Variants in MYO5A observed in about 807,000 individuals in gnomAD.
MYO5A encodes the protein unconventional myosin-Va.
MYO5A carries 98 observed loss-of-function variants against 249.7 expected under a neutral mutation model. The ratio of observed to expected loss-of-function variants is 0.39; its 90% CI spans 0.33 to 0.46. MYO5A has a LOEUF of 0.46. MYO5A is among the 20% of genes least tolerant of loss of function. The probability of loss-of-function intolerance (pLI) is 0.98; values close to 1 mark genes in which losing one functional copy is unlikely to be tolerated. For synonymous variants in MYO5A, 778 were observed against 810.6 expected, an observed-to-expected ratio of 0.96 and a Z score of 0.68; for missense variants, 1,696 against 2,308.8, an observed-to-expected ratio of 0.73 and a Z score of 5.44.
At chr15:52,414,508 A>G (rs942775394) in intron 5 of MYO5A, among the ~76,000 whole-genome samples, 5 of 152,158 alleles carry the variant, frequency 3.3e-5, no homozygotes, top group African/African-American at 1.2e-4. Context: ...TAGTACACTC[A>G]ACTCATGAAA....
intron 25 of MYO5A, among the ~76,000 whole-genome samples, chr15:52,355,722 T>C (rs555218620): frequency 6.6e-6 from 1 of 152,322 alleles, no homozygotes; most frequent in Admixed American, 6.5e-5. Context: ...TTATAAGTAA[T>C]GTAGAGATGA....
intron 13 of MYO5A, 62 bp downstream of exon 13, chr15:52,389,172 CCTGA>C (rs2042101465): frequency 6.5e-7 from 1 of 1,526,894 alleles, no homozygotes; most frequent in Non-Finnish European, 9.0e-7. Context: ...AAAGATACCT[CCTGA>C]CTATTGGGTT....
At chr15:52,521,098 C>T (rs376570179) in intron 1 of MYO5A, among the ~76,000 whole-genome samples, 1 of 151,934 alleles carries the variant, frequency 6.6e-6, no homozygotes, top group Non-Finnish European at 1.5e-5. Flanking sequence ...GGTGGTGGCA[C>T]ATGCCTGTAG....
chr15:52,471,173 C>CT (rs761206668), intron 1 of MYO5A, among the ~76,000 whole-genome samples: 7 of 152,172 alleles, frequency 4.6e-5, no homozygotes, highest in Non-Finnish European at 8.8e-5. Context: ...TGATTATAAA[C>CT]TTGACTGCAT....
rs540777690 is a variant in MYO5A, at chr15:52,437,718, C to T, written c.28-4433G>A. The stretch of plus-strand genomic sequence containing the variant: ...AGTGAGTTTGTAGAAGCATGACTGA[C>T]CAGTGCCTAAACATGAGGAGACTTT... On this transcript the variant is annotated intron_variant, in intron 1 of 41. Coordinates refer to ENST00000399233, the MANE Select transcript of MYO5A (RefSeq NM_001382347.1). Among the ~76,000 whole-genome samples the T allele has an allele frequency of 2.4e-4, 37 of 152,004 alleles. No individual in the cohort carries two copies. In the South Asian group the frequency reaches 4.2e-3, roughly 17 times the overall value.
intron 1 of MYO5A, among the ~76,000 whole-genome samples, chr15:52,494,389 A>G (rs994915600): frequency 6.6e-6 from 1 of 152,202 alleles, no homozygotes; most frequent in Non-Finnish European, 1.5e-5. Context: ...TTTCTTGCCA[A>G]TGGAAATCAT....
intron 4 of MYO5A, among the ~76,000 whole-genome samples, chr15:52,424,579 T>A (rs933354386): frequency 6.6e-6 from 1 of 152,132 alleles, no homozygotes; most frequent in African/African-American, 2.4e-5. Flanking sequence ...ATTTCTAGGG[T>A]TTTGTCCCTG....
Position 52,311,171 on chromosome 15 carries a change from A to G in MYO5A, c.*2525T>C, listed in dbSNP as rs1301934506. 4 of 152,086 alleles carry G rather than the reference A, an allele frequency of 2.6e-5. No individual in the cohort carries two copies. The highest frequency in any genetic ancestry group is 4.8e-5 in the African/African-American group (2 of 41,370). The allele number at this position is 152,086 out of a possible 1,614,324, so 9.4% of individuals were successfully genotyped here. ...CTTCAGTACATGAGCTGTCCGGAGT[A>G]AAAAAAAGGGCTGCATGGCAGTGAC... is the stretch of plus-strand genomic sequence containing the variant. On this transcript the variant is annotated 3_prime_UTR_variant, in exon 42 of 42. Coordinates refer to ENST00000399233, the MANE Select transcript of MYO5A (RefSeq NM_001382347.1).
intron 1 of MYO5A, among the ~76,000 whole-genome samples, chr15:52,526,357 A>G (rs1429794321): frequency 6.6e-6 from 1 of 151,894 alleles, no homozygotes; most frequent in African/African-American, 2.4e-5. Context: ...TAACTCGCCC[A>G]GCTAATTTTT....
Position 52,323,579 on chromosome 15 carries a change from T to C in MYO5A, c.4711-135A>G, listed in dbSNP as rs139805784. 5.6e-4 allele frequency: 378 copies of C among 680,298 alleles called. No homozygotes were observed. The African/African-American group carries it at 6.3e-3, about 11-fold the overall frequency. 42.1% of individuals were successfully genotyped at this position (680,298 alleles called of 1,614,324 possible). ...ATTATAAAAATAAATCACATTACAGTTGTGAAGTCTTATGTCATTGCTAGC... is the reference window on the plus strand; with the variant it reads ...ATTATAAAAATAAATCACATTACAGCTGTGAAGTCTTATGTCATTGCTAGC... On this transcript the variant is annotated intron_variant, in intron 36 of 41. Coordinates refer to ENST00000399233, the MANE Select transcript of MYO5A (RefSeq NM_001382347.1).
chr15:52,389,798 G>GA (rs906280717), intron 12 of MYO5A, among the ~76,000 whole-genome samples: 2 of 151,914 alleles, frequency 1.3e-5, no homozygotes, highest in African/African-American at 4.8e-5. Context: ...ACTAAAATTA[G>GA]AAAAAATTAG....
intron 1 of MYO5A, among the ~76,000 whole-genome samples, chr15:52,523,227 GC>G (rs2077659462): frequency 6.7e-6 from 1 of 149,416 alleles, no homozygotes. Flanking sequence ...TTCTGCCCCT[GC>G]CTCAGTCCAC....
Position 52,517,943 on chromosome 15 carries a change from C to T in MYO5A, c.27+10837G>A, listed in dbSNP as rs1306308424. 2.0e-5 allele frequency among the ~76,000 whole-genome samples: 3 copies of T among 151,790 alleles called. No homozygotes were observed. The East Asian group carries it at 5.8e-4, about 29-fold the overall frequency. On this transcript the variant is annotated intron_variant, in intron 1 of 41. Coordinates refer to ENST00000399233, the MANE Select transcript of MYO5A (RefSeq NM_001382347.1). ...GTATTATTCAAATAATCCAGATTAG[C>T]TACAAGGCATCACTTCTACAAGCAG...
chr15:52,493,143 C>G (rs924497113), intron 1 of MYO5A, among the ~76,000 whole-genome samples: 1 of 152,088 alleles, frequency 6.6e-6, no homozygotes, highest in African/African-American at 2.4e-5. Flanking sequence ...GAAAAGGTAG[C>G]CTTTTGTCCA....
At chr15:52,340,465 C>T (rs1046821606) in intron 31 of MYO5A, 71 bp from the exon 32 acceptor site, 4 of 1,331,460 alleles carry the variant, frequency 3.0e-6, no homozygotes, top group African/African-American at 2.9e-5. Flanking sequence ...TGTAAGGCAT[C>T]GTGTTCACTT....
chr15:52,354,075 A>G (rs1370972972), intron 25 of MYO5A, 61 bp from the exon 26 acceptor site: 4 of 1,596,458 alleles, frequency 2.5e-6, no homozygotes, highest in Middle Eastern at 1.7e-4. Context: ...AGCCAATGAG[A>G]AAATGACAAA....
At position 52,379,827 on chromosome 15, in the gene MYO5A, G is replaced by A. The variant is rs577716433; in HGVS notation, c.2094C>T (p.Pro698=). The change falls in exon 17 of 42, where the codon CCC becomes CCT. Residue 698 remains proline (P), a synonymous_variant. Transcript: ENST00000399233. ...CTGAAAAATGCCAGGCTCACCGTGAGGGGAAACCGGCCGCACTGATTCGGA... is the reference window on the plus strand; with the variant it reads ...CTGAAAAATGCCAGGCTCACCGTGAAGGGAAACCGGCCGCACTGATTCGGA... ...ETIRISAAGF[P]SRWTYQEFFS... is the part of the protein sequence containing the mutation. 144 of 1,614,130 alleles carry A rather than the reference G, an allele frequency of 8.9e-5. 1 individual carries two copies. The highest frequency in any genetic ancestry group is 1.2e-4 in the Non-Finnish European group (138 of 1,180,006).
At chr15:52,498,987 T>C (rs1156329644) in intron 1 of MYO5A, among the ~76,000 whole-genome samples, 1 of 152,216 alleles carries the variant, frequency 6.6e-6, no homozygotes, top group Non-Finnish European at 1.5e-5. Context: ...AAATGTAAGA[T>C]ATCATTTAAG....
At chr15:52,426,519 A>G (rs150064538) in intron 3 of MYO5A, among the ~76,000 whole-genome samples, 28 of 152,262 alleles carry the variant, frequency 1.8e-4, no homozygotes, top group African/African-American at 6.3e-4. Flanking sequence ...CTGGAGTGCA[A>G]TGTTACTATC....
Sources: allele counts gnomAD v4.1 joint callset (sites outside exome capture counted in the v4.1 genomes callset), GRCh38; gene constraint gnomAD v4.1.1; transcripts MANE v1.5; gene names NCBI Gene and HGNC (gene_info 2026-07-23, HGNC 2026-07-21).